Variants in OR13G1 observed in about 807,000 individuals in gnomAD.
OR13G1 encodes the protein olfactory receptor 13G1.
For synonymous variants in OR13G1, 128 were observed against 136.2 expected, an observed-to-expected ratio of 0.94 and a Z score of 0.42; for missense variants, 369 against 385.7, an observed-to-expected ratio of 0.96 and a Z score of 0.36.
chr1:247,672,177 A>G lies in OR13G1; in HGVS notation c.865T>C (p.Phe289Leu), dbSNP rs1230871280. Residue 289 changes from phenylalanine (F) to leucine (L), a missense_variant, in exon 2 of 2, where the codon TTC (phenylalanine) becomes CTC (leucine). Coordinates refer to ENST00000642119, the MANE Select transcript of OR13G1 (RefSeq NM_001005487.2). ...TPTLNPMVYS[F>L]QNREMQAGIR... The stretch of plus-strand genomic sequence containing the variant: ...CCTGCCTGCATCTCCCTATTCTGGA[A>G]GCTGTACACCATCGGGTTTAATGTG... 1.2e-6 allele frequency: 2 copies of G among 1,614,086 alleles called. No individual in the cohort carries two copies. The highest frequency in any genetic ancestry group is 1.7e-6 in the Non-Finnish European group (2 of 1,179,978).
rs1370013852 is a variant in OR13G1, at chr1:247,671,839, TA to T, written c.*278del. 1 of 389,458 alleles carries T rather than the reference TA, an allele frequency of 2.6e-6. No homozygotes were observed. Among genetic ancestry groups the T allele is most frequent in the Non-Finnish European group, 4.6e-6 (1 of 217,888 alleles). 24.1% of individuals were successfully genotyped at this position (389,458 alleles called of 1,614,324 possible). A position where few individuals can be genotyped will look rare whatever the true frequency, so the allele number is the denominator to read the frequency against. The stretch of plus-strand genomic sequence containing the variant: ...GCACATATAGGTAAATATTTGTGTA[TA>T]TGCATATATAAGTATTCGAAGTTAT... On this transcript the variant is annotated 3_prime_UTR_variant, in exon 2 of 2. Coordinates refer to ENST00000642119, the MANE Select transcript of OR13G1 (RefSeq NM_001005487.2).
In OR13G1 at chr1:247,672,588, T is replaced by A; in HGVS notation, c.454A>T (p.Asn152Tyr). The A allele has an allele frequency of 6.2e-7, 1 of 1,613,936 alleles. No homozygotes were observed. Among genetic ancestry groups the A allele is most frequent in the Non-Finnish European group, 8.5e-7 (1 of 1,179,936 alleles). ...ATAAGAGCTGTGTGCACCCAGGAAT[T>A]GGTGACTGCAATAGCCATGACCATG... ...LSMVMAIAVT[N>Y]SWVHTALIMR... Residue 152 changes from asparagine to tyrosine, a missense_variant, in exon 2 of 2, where the codon AAT (asparagine) becomes TAT (tyrosine). Transcript: ENST00000642119.
At chr1:247,676,644 T>C (rs1282755583) in intron 1 of OR13G1, among the ~76,000 whole-genome samples, 1 of 152,018 alleles carries the variant, frequency 6.6e-6, no homozygotes, top group Non-Finnish European at 1.5e-5. Flanking sequence ...CATGAGAAAA[T>C]CATTGGAGTT....
chr1:247,675,737 G>A (rs954865971), intron 1 of OR13G1, among the ~76,000 whole-genome samples: 1 of 152,066 alleles, frequency 6.6e-6, no homozygotes, highest in South Asian at 2.1e-4. Flanking sequence ...CTATCCATAG[G>A]TGTCCAAACA....
chr1:247,673,262 C>T lies in OR13G1; in HGVS notation c.-221G>A. On this transcript the variant is annotated 5_prime_UTR_variant, in exon 2 of 2. Coordinates refer to ENST00000642119, the MANE Select transcript of OR13G1 (RefSeq NM_001005487.2). ...TAATCCCATTCTCTGATGTATGTTC[C>T]TCCATTGATGACTCAAACTGAAGCC... 1 of 508,866 alleles carries T rather than the reference C, an allele frequency of 2.0e-6. No homozygotes were observed. 31.5% of individuals were successfully genotyped at this position (508,866 alleles called of 1,614,324 possible).
chr1:247,676,329 G>A (rs560435705), intron 1 of OR13G1, among the ~76,000 whole-genome samples: 419 of 152,100 alleles, frequency 2.8e-3, no homozygotes, highest in Non-Finnish European at 4.5e-3. Flanking sequence ...GTATTCAGTC[G>A]TTAATAATGA....
chr1:247,671,108 C>G lies in OR13G1; in HGVS notation c.*1010G>C, dbSNP rs781525040. The G allele has an allele frequency of 1.3e-5, 2 of 152,120 alleles. No homozygotes were observed. Among genetic ancestry groups the G allele is most frequent in the Non-Finnish European group, 2.9e-5 (2 of 68,006 alleles). 9.4% of individuals were successfully genotyped at this position (152,120 alleles called of 1,614,324 possible). A position where few individuals can be genotyped will look rare whatever the true frequency, so the allele number is the denominator to read the frequency against. The stretch of plus-strand genomic sequence containing the variant: ...CATAGTATAGACACCCATTTCTCAT[C>G]CCATCTATGTTACATCCAAATTTTT... On this transcript the variant is annotated 3_prime_UTR_variant, in exon 2 of 2. Coordinates refer to ENST00000642119, the MANE Select transcript of OR13G1 (RefSeq NM_001005487.2).
At position 247,672,107 on chromosome 1, in the gene OR13G1, T is replaced by C; in HGVS notation, c.*11A>G. The C allele has an allele frequency of 6.2e-7, 1 of 1,602,120 alleles. No homozygotes were observed. The highest frequency in any genetic ancestry group is 8.5e-7 in the Non-Finnish European group (1 of 1,172,392). ...TCTGGAGTACAGAAGTGATGTTGCA[T>C]GTTGAAACTACTAGTGTTTCAGAAA... On this transcript the variant is annotated 3_prime_UTR_variant, in exon 2 of 2. Coordinates refer to ENST00000642119, the MANE Select transcript of OR13G1 (RefSeq NM_001005487.2).
chr1:247,671,170 T>G lies in OR13G1; in HGVS notation c.*948A>C, dbSNP rs1265788070. 6.6e-6 allele frequency: 1 copy of G among 152,168 alleles called. No homozygotes were observed. The highest frequency in any genetic ancestry group is 6.6e-5 in the Admixed American group (1 of 15,264). 9.4% of individuals were successfully genotyped at this position (152,168 alleles called of 1,614,324 possible). A position where few individuals can be genotyped will look rare whatever the true frequency, so the allele number is the denominator to read the frequency against. ...AAGTGCCTAATTTTAGAATATACTC[T>G]TCCAATTGGTACTTACAACTTGAAA... is the stretch of plus-strand genomic sequence containing the variant. On this transcript the variant is annotated 3_prime_UTR_variant, in exon 2 of 2. Coordinates refer to ENST00000642119, the MANE Select transcript of OR13G1 (RefSeq NM_001005487.2).
In OR13G1 at chr1:247,677,899, G is replaced by C. The variant is rs1659382169; in HGVS notation, c.-239+1741C>G. Among the ~76,000 whole-genome samples, 7 of 152,258 alleles carry C rather than the reference G, an allele frequency of 4.6e-5. No homozygotes were observed. In the South Asian group the frequency reaches 1.5e-3, roughly 32 times the overall value. On this transcript the variant is annotated intron_variant, in intron 1 of 1. Coordinates refer to ENST00000642119, the MANE Select transcript of OR13G1 (RefSeq NM_001005487.2). ...ACGGGCGCATCACCTGAGGTTGGGA[G>C]TTTGAGACCAGCCTGACTAACATGG...
chr1:247,674,914 G>A (rs1011806684), intron 1 of OR13G1, among the ~76,000 whole-genome samples: 5 of 152,060 alleles, frequency 3.3e-5, no homozygotes, highest in Non-Finnish European at 4.4e-5. Context: ...AGATCTGAAA[G>A]AATATGGATT....
rs914938181 is a variant in OR13G1, at chr1:247,671,328, G to C, written c.*790C>G. On this transcript the variant is annotated 3_prime_UTR_variant, in exon 2 of 2. Coordinates refer to ENST00000642119, the MANE Select transcript of OR13G1 (RefSeq NM_001005487.2). ...TAGCCTTCATTCTACTTGGGTTATGGATGAGACGCCTAGTAATACAAAAGC... is the reference window on the plus strand; with the variant it reads ...TAGCCTTCATTCTACTTGGGTTATGCATGAGACGCCTAGTAATACAAAAGC... 6.6e-6 allele frequency: 1 copy of C among 151,968 alleles called. No homozygotes were observed. The highest frequency in any genetic ancestry group is 1.9e-4 in the East Asian group (1 of 5,158). The allele number at this position is 151,968 out of a possible 1,614,324, so 9.4% of individuals were successfully genotyped here. A position where few individuals can be genotyped will look rare whatever the true frequency, so the allele number is the denominator to read the frequency against.
intron 1 of OR13G1, among the ~76,000 whole-genome samples, chr1:247,679,229 T>A (rs939478289): frequency 6.6e-5 from 10 of 152,126 alleles, no homozygotes; most frequent in African/African-American, 2.4e-4. Flanking sequence ...ACTATTTAGC[T>A]AAGTCTTTAT....
In OR13G1 at chr1:247,673,067, A is replaced by G; in HGVS notation, c.-26T>C. The G allele has an allele frequency of 3.3e-6, 5 of 1,511,618 alleles. No individual in the cohort carries two copies. The highest frequency in any genetic ancestry group is 4.5e-6 in the Non-Finnish European group (5 of 1,102,324). 93.6% of individuals were successfully genotyped at this position (1,511,618 alleles called of 1,614,324 possible). On this transcript the variant is annotated 5_prime_UTR_variant, in exon 2 of 2. Coordinates refer to ENST00000642119, the MANE Select transcript of OR13G1 (RefSeq NM_001005487.2). ...CCTGCTTGGGTGATTGAATGGCAGT[A>G]ATTGCACAGAATAAACAACTGAAAA...
intron 1 of OR13G1, among the ~76,000 whole-genome samples, chr1:247,679,024 C>CT (rs5782439): frequency 0.45 from 67,035 of 149,588 alleles, 15,106 homozygotes; most frequent in Admixed American, 0.58. Context: ...TGGAAGAAAT[C>CT]TTTTTTTTTT....
At chr1:247,677,148 C>T (rs1659360722) in intron 1 of OR13G1, among the ~76,000 whole-genome samples, 1 of 152,108 alleles carries the variant, frequency 6.6e-6, no homozygotes, top group Non-Finnish European at 1.5e-5. Flanking sequence ...GACGCTGAGG[C>T]AGGAGAATCG....
At chr1:247,675,833 CAGA>C (rs1659335211) in intron 1 of OR13G1, among the ~76,000 whole-genome samples, 1 of 152,044 alleles carries the variant, frequency 6.6e-6, no homozygotes, top group Non-Finnish European at 1.5e-5. Flanking sequence ...CCACAGTATC[CAGA>C]AGAAGAGGGC....
intron 1 of OR13G1, 73 bp from the exon 2 acceptor site, chr1:247,673,352 A>T: frequency 3.2e-6 from 1 of 312,252 alleles, no homozygotes; most frequent in Admixed American, 5.6e-5. Context: ...TTCACTTAAA[A>T]CTTGTCTAAA....
chr1:247,672,977 C>A lies in OR13G1; in HGVS notation c.65G>T (p.Gly22Val), dbSNP rs773972597. ...LGLTKKPELQ[G>V]IIFLFFLIVY... ...AATGAGAAAAAAGAGGAAGATAATT[C>A]CCTGGAGTTCAGGCTTTTTGGTGAG... The change falls in exon 2 of 2, where the codon GGA becomes GTA. Residue 22 changes from glycine to valine, a missense_variant. Transcript: ENST00000642119. The A allele has an allele frequency of 6.2e-7, 1 of 1,613,920 alleles. No homozygotes were observed. The highest frequency in any genetic ancestry group is 8.5e-7 in the Non-Finnish European group (1 of 1,179,908).
Sources: gnomAD v4.1 joint callset for allele counts (sites outside exome capture counted in the v4.1 genomes callset) on GRCh38, gnomAD v4.1.1 for gene constraint, MANE v1.5 for transcripts, NCBI Gene and HGNC (gene_info 2026-07-23, HGNC 2026-07-21) for gene names.